ISOC1: variants seen among roughly 807,000 people sequenced by gnomAD.
The protein encoded by ISOC1 is isochorismatase domain-containing protein 1.
ISOC1 carries 33 observed loss-of-function variants against 30.0 expected under a neutral mutation model. The ratio of observed to expected loss-of-function variants is 1.10; its 90% confidence interval spans 0.83 to 1.47. The LOEUF (loss-of-function observed/expected upper bound fraction) is 1.47. Ranked by LOEUF, ISOC1 falls within the 40% of genes most tolerant of loss-of-function variation. ISOC1 has a pLI of 0.00. For synonymous variants in ISOC1, 178 were observed against 159.8 expected (o/e 1.11, Z -0.86); for missense variants, 372 against 388.0 (o/e 0.96, Z 0.35).
chr5:129,099,819 A>G (rs184829787), intron 1 of ISOC1, among the ~76,000 whole-genome samples: 295 of 152,326 alleles, frequency 1.9e-3, no homozygotes, highest in African/African-American at 6.2e-3. Flanking sequence ...GATTATATGA[A>G]GCCCATTTAA....
intron 1 of ISOC1, among the ~76,000 whole-genome samples, chr5:129,101,857 G>A (rs182782123): frequency 6.6e-6 from 1 of 152,178 alleles, no homozygotes; most frequent in East Asian, 1.9e-4. Context: ...TGTTTTTAAT[G>A]ACCTTGACAG....
chr5:129,107,416 C>A (rs914985130), intron 4 of ISOC1, among the ~76,000 whole-genome samples: 1 of 152,092 alleles, frequency 6.6e-6, no homozygotes, highest in Non-Finnish European at 1.5e-5. Context: ...GGGTTTAACT[C>A]ATTTAGCCAA....
intron 4 of ISOC1, among the ~76,000 whole-genome samples, chr5:129,108,629 A>T (rs1055003965): frequency 8.6e-5 from 13 of 151,644 alleles, no homozygotes; most frequent in Non-Finnish European, 1.5e-4. Flanking sequence ...TCCCTGTCTC[A>T]GCCTCCCGAG....
chr5:129,107,000 G>T lies in ISOC1; in HGVS notation c.688G>T (p.Val230Phe). Residue 230 changes from valine to phenylalanine, a missense_variant, in exon 4 of 5, where the codon GTT becomes TTT. By Grantham distance (50) the Val-to-Phe change is conservative (BLOSUM62 -1). Transcript: ENST00000173527. ...ALELVGRGVE[V>F]HIVADATSSR... ...GGAGCTAGTTGGCCGAGGAGTCGAG[G>T]TTCACATTGTTGCTGATGCCACCTC... 9 of 1,613,872 alleles carry T rather than the reference G, an allele frequency of 5.6e-6. No homozygotes were observed. The highest frequency in any genetic ancestry group is 1.1e-5 in the South Asian group (1 of 91,082).
chr5:129,094,874 G>T lies in ISOC1; in HGVS notation c.108G>T (p.Ala36=). ...VPVLFCFSVF[A]RPSSVPHGAG... is the part of the protein sequence containing the mutation. Reference sequence around the variant, plus strand: ...TGCTCTTCTGTTTCTCAGTCTTCGCGCGACCCTCGTCGGTGCCACACGGGG... The same window carrying T: ...TGCTCTTCTGTTTCTCAGTCTTCGCTCGACCCTCGTCGGTGCCACACGGGG... Residue 36 remains alanine, a synonymous_variant, in exon 1 of 5, where the codon GCG becomes GCT. Transcript: ENST00000173527. 6.3e-7 allele frequency: 1 copy of T among 1,599,858 alleles called. No homozygotes were observed.
At chr5:129,106,745 G>C (rs1251128850) in intron 3 of ISOC1, among the ~76,000 whole-genome samples, 2 of 152,154 alleles carry the variant, frequency 1.3e-5, no homozygotes, top group Non-Finnish European at 2.9e-5. Context: ...TTCAGTTCCT[G>C]ATTTTACAAA....
chr5:129,102,206 C>T (rs1426218684), intron 1 of ISOC1, among the ~76,000 whole-genome samples: 3 of 152,182 alleles, frequency 2.0e-5, no homozygotes, highest in Admixed American at 2.0e-4. Context: ...ACATCATATT[C>T]AACAGCATGT....
chr5:129,094,757 T>C lies in ISOC1; in HGVS notation c.-10T>C, dbSNP rs1680920110. On this transcript the variant is annotated 5_prime_UTR_variant, in exon 1 of 5. Transcript: ENST00000173527. ...GGGCGGCCTCGGAGCTCGCAGACGC[T>C]CGGGGGAACATGGCGGCTGCGGAGC... 1 of 1,467,170 alleles carries C rather than the reference T, an allele frequency of 6.8e-7. No individual in the cohort carries two copies. The highest frequency in any genetic ancestry group is 2.9e-5 in the East Asian group (1 of 34,746). 90.9% of individuals were successfully genotyped at this position (1,467,170 alleles called of 1,614,324 possible).
rs371486549 is a variant in ISOC1, at chr5:129,105,405, A to G, written c.633+17A>G. On this transcript the variant is annotated intron_variant, in intron 3 of 4. Transcript: ENST00000173527. The stretch of plus-strand genomic sequence containing the variant: ...GGAGTAGAAGTAAGTACCTGTTACT[A>G]TCATTTAGGCACAATATTATTTATA... The G allele has an allele frequency of 2.5e-6, 4 of 1,581,074 alleles. No homozygotes were observed. The highest frequency in any genetic ancestry group is 2.6e-6 in the Non-Finnish European group (3 of 1,150,652).
Position 129,105,279 on chromosome 5 carries a change from G to C in ISOC1, c.524G>C (p.Gly175Ala), listed in dbSNP as rs762265353. 7 of 1,613,638 alleles carry C rather than the reference G, an allele frequency of 4.3e-6. No individual in the cohort carries two copies. The Admixed American group carries it at 6.7e-5, about 15-fold the overall frequency. ...GSTVQEIDLT[G>A]VKLVLPKTKF... ...ACGGTTCAAGAAATTGATTTAACAG[G>C]TGTAAAACTGGTACTTCCAAAGACC... The change falls in exon 3 of 5, where the codon GGT (glycine) becomes GCT (alanine). Residue 175 changes from glycine (G) to alanine (A), a missense_variant. By Grantham distance (60) the Gly-to-Ala change is moderately conservative. Transcript: ENST00000173527.
At chr5:129,099,446 A>G (rs1443118285) in intron 1 of ISOC1, among the ~76,000 whole-genome samples, 4 of 152,244 alleles carry the variant, frequency 2.6e-5, no homozygotes, top group African/African-American at 7.2e-5. Context: ...AATGTTCACA[A>G]TAGGTGAATA....
chr5:129,110,589 T>G (rs2150172406), intron 4 of ISOC1, among the ~76,000 whole-genome samples: 1 of 152,286 alleles, frequency 6.6e-6, no homozygotes, highest in Non-Finnish European at 1.5e-5. Context: ...AGTGATAGTG[T>G]ATGGGTGTCA....
chr5:129,111,168 C>T (rs1393510802), intron 4 of ISOC1, among the ~76,000 whole-genome samples: 1 of 152,052 alleles, frequency 6.6e-6, no homozygotes, highest in African/African-American at 2.4e-5. Flanking sequence ...TTAGGGCTTC[C>T]AGAAGTCTTA....
intron 1 of ISOC1, among the ~76,000 whole-genome samples, chr5:129,102,106 C>G (rs954982375): frequency 6.6e-6 from 1 of 152,178 alleles, no homozygotes; most frequent in Non-Finnish European, 1.5e-5. Flanking sequence ...ACTCTTCCCC[C>G]TCTATACTCT....
Position 129,094,921 on chromosome 5 carries a change from A to G in ISOC1, c.155A>G (p.Gln52Arg). 2 of 1,612,358 alleles carry G rather than the reference A, an allele frequency of 1.2e-6. No individual in the cohort carries two copies. Among genetic ancestry groups the G allele is most frequent in the Non-Finnish European group, 1.7e-6 (2 of 1,179,800 alleles). Residue 52 changes from glutamine to arginine, a missense_variant, in exon 1 of 5, where the codon CAG (glutamine) becomes CGG (arginine). Transcript: ENST00000173527. ...PHGAGYELLI[Q>R]KFLSLYGDQI... Reference sequence around the variant, plus strand: ...GGGGCGGGCTACGAGCTGCTCATCCAGAAGTTCCTCAGCCTGTACGGCGAC... The same window carrying G: ...GGGGCGGGCTACGAGCTGCTCATCCGGAAGTTCCTCAGCCTGTACGGCGAC...
chr5:129,104,846 G>C (rs1335815280), intron 1 of ISOC1, 110 bp from the exon 2 acceptor site: 1 of 1,013,144 alleles, frequency 9.9e-7, no homozygotes, highest in African/African-American at 1.6e-5. Flanking sequence ...GGTAGAAATT[G>C]ACTTACTGGC....
In ISOC1 at chr5:129,094,790, C is replaced by A. The variant is rs1474171475; in HGVS notation, c.24C>A (p.Val8=). The A allele has an allele frequency of 3.9e-6, 6 of 1,521,344 alleles. No homozygotes were observed. Among genetic ancestry groups the A allele is most frequent in the Admixed American group, 4.1e-5 (2 of 49,218 alleles). 94.2% of individuals were successfully genotyped at this position (1,521,344 alleles called of 1,614,324 possible). The change falls in exon 1 of 5, where the codon GTC becomes GTA. Residue 8 remains valine (V), a synonymous_variant. Coordinates refer to ENST00000173527, the MANE Select transcript of ISOC1 (RefSeq NM_016048.2). The part of the protein sequence containing the change: MAAAEPA[V]LALPNSGAGG... ...ACATGGCGGCTGCGGAGCCGGCGGT[C>A]CTTGCGCTCCCCAACAGCGGCGCCG...
chr5:129,108,347 C>T (rs188116220), intron 4 of ISOC1, among the ~76,000 whole-genome samples: 2 of 152,206 alleles, frequency 1.3e-5, no homozygotes, highest in South Asian at 2.1e-4. Flanking sequence ...TTGGCTCTCC[C>T]TTCTCTGTTA....
intron 1 of ISOC1, chr5:129,097,711 G>T (rs1397119359): frequency 1.3e-5 from 2 of 151,190 alleles, no homozygotes; most frequent in African/African-American, 4.8e-5. Flanking sequence ...CATATGCCTG[G>T]CTAGCTCCTC....
Sources: allele counts gnomAD v4.1 joint callset (sites outside exome capture counted in the v4.1 genomes callset), GRCh38; gene constraint gnomAD v4.1.1; transcripts MANE v1.5; gene names NCBI Gene and HGNC (gene_info 2026-07-23, HGNC 2026-07-21).